XKR4: variants seen among roughly 807,000 people sequenced by gnomAD.
XKR4 encodes XK related 4.
XKR4 carries 12 observed loss-of-function variants against 53.9 expected under a neutral mutation model. That is an observed-to-expected ratio of 0.22 (90% CI 0.14 to 0.36). The LOEUF (loss-of-function observed/expected upper bound fraction) is 0.36. XKR4 is among the 10% of genes least tolerant of loss of function. The pLI is 1.00. For synonymous variants in XKR4, 354 were observed against 362.4 expected, an observed-to-expected ratio of 0.98 and a Z score of 0.26; for missense variants, 799 against 859.5, an observed-to-expected ratio of 0.93 and a Z score of 0.88.
chr8:55,312,839 C>T lies in XKR4; in HGVS notation c.807-44839C>T, dbSNP rs187469981. On this transcript the variant is annotated intron_variant, in intron 1 of 2. Coordinates refer to ENST00000327381, the MANE Select transcript of XKR4 (RefSeq NM_052898.2). ...TATAATCTAAGACCCTTTCTATCATCTTCTATTCATAGATGGCGTCAAGAC... is the reference window on the plus strand; with the variant it reads ...TATAATCTAAGACCCTTTCTATCATTTTCTATTCATAGATGGCGTCAAGAC... 4.7e-4 allele frequency among the ~76,000 whole-genome samples: 72 copies of T among 152,306 alleles called. 1 individual carries two copies. The South Asian group carries it at 0.013, about 29-fold the overall frequency.
intron 2 of XKR4, among the ~76,000 whole-genome samples, chr8:55,406,403 A>G (rs2129390579): frequency 6.6e-6 from 1 of 152,348 alleles, no homozygotes; most frequent in South Asian, 2.1e-4. Flanking sequence ...TCTATGAGGT[A>G]GATGCTGTCA....
chr8:55,186,245 G>C (rs1817375141), intron 1 of XKR4, among the ~76,000 whole-genome samples: 1 of 152,076 alleles, frequency 6.6e-6, no homozygotes, highest in African/African-American at 2.4e-5. Flanking sequence ...AGATTTAAAA[G>C]GTCTTCTCTT....
At chr8:55,161,963 AGAGCTG>A (rs1434519567) in intron 1 of XKR4, among the ~76,000 whole-genome samples, 1 of 152,222 alleles carries the variant, frequency 6.6e-6, no homozygotes, top group Non-Finnish European at 1.5e-5. Context: ...GATTTGCAGA[AGAGCTG>A]GTGGTGCCAT....
In XKR4 at chr8:55,523,614, A is replaced by G. The variant is rs1252173463; in HGVS notation, c.1340A>G (p.Asn447Ser). ...VGIIYIFSWFNVKEGRTRCRL... is the reference protein window; with the variant it reads ...VGIIYIFSWFSVKEGRTRCRL... ...ATTATCTATATCTTCAGTTGGTTCA[A>G]TGTCAAGGAAGGCAGGACACGCTGC... The change falls in exon 3 of 3, where the codon AAT becomes AGT. Residue 447 changes from asparagine (N) to serine (S), a missense_variant. Around this residue, in one of 3 missense-constraint regions of XKR4, gnomAD observed 269 missense variants for 264.4 expected, o/e 1.02. Coordinates refer to ENST00000327381, the MANE Select transcript of XKR4 (RefSeq NM_052898.2). The G allele has an allele frequency of 2.5e-6, 4 of 1,614,144 alleles. No homozygotes were observed. Among genetic ancestry groups the G allele is most frequent in the Admixed American group, 1.7e-5 (1 of 60,028 alleles).
At chr8:55,449,958 G>A (rs1805407462) in intron 2 of XKR4, 1 of 844,762 alleles carries the variant, frequency 1.2e-6, no homozygotes, top group Admixed American at 1.8e-5. Flanking sequence ...GGCTCAAGGT[G>A]GAGCCCACGG....
At chr8:55,345,985 G>A (rs778077059) in intron 1 of XKR4, among the ~76,000 whole-genome samples, 3 of 151,962 alleles carry the variant, frequency 2.0e-5, no homozygotes, top group East Asian at 1.9e-4. Context: ...GTCAAATCCC[G>A]AGAAGACAAA....
intron 1 of XKR4, among the ~76,000 whole-genome samples, chr8:55,292,454 A>G (rs1054014286): frequency 7.9e-5 from 12 of 152,014 alleles, no homozygotes; most frequent in Non-Finnish European, 1.6e-4. Flanking sequence ...TGTTCATACC[A>G]TTCTCTTTTA....
chr8:55,160,626 T>A (rs1429027374), intron 1 of XKR4, among the ~76,000 whole-genome samples: 3 of 152,218 alleles, frequency 2.0e-5, no homozygotes, highest in Non-Finnish European at 4.4e-5. Flanking sequence ...CCTCACTCTG[T>A]TTCCGTAATT....
rs1806999288 is a variant in XKR4 at position 55,534,375 on chromosome 8, T to TTTTTC, written c.*10152_*10153insCTTTT. 1 of 118,534 alleles carries TTTTTC rather than the reference T, an allele frequency of 8.4e-6. No homozygotes were observed. The highest frequency in any genetic ancestry group is 3.1e-5 in the African/African-American group (1 of 32,424). 7.3% of individuals were successfully genotyped at this position (118,534 alleles called of 1,614,324 possible). The stretch of plus-strand genomic sequence containing the variant: ...CGAATCTGATATTCTTTTTTTTTTT[T>TTTTTC]TTTTTTTTTTTTTTTTGAGACAGAG... On this transcript the variant is annotated 3_prime_UTR_variant, in exon 3 of 3. Coordinates refer to ENST00000327381, the MANE Select transcript of XKR4 (RefSeq NM_052898.2).
chr8:55,205,358 G>T (rs924438281), intron 1 of XKR4, among the ~76,000 whole-genome samples: 1 of 151,048 alleles, frequency 6.6e-6, no homozygotes, highest in African/African-American at 2.5e-5. Context: ...ACTCAAATTT[G>T]TTGTCATAAA....
At chr8:55,147,213 T>A (rs1039969920) in intron 1 of XKR4, among the ~76,000 whole-genome samples, 1 of 152,144 alleles carries the variant, frequency 6.6e-6, no homozygotes, top group African/African-American at 2.4e-5. Context: ...ACATGTGCTG[T>A]GACTCAAACA....
chr8:55,505,535 A>G (rs562158829), intron 2 of XKR4, among the ~76,000 whole-genome samples: 2 of 152,340 alleles, frequency 1.3e-5, no homozygotes, highest in African/African-American at 4.8e-5. Context: ...TGGGCAACAG[A>G]ACAAGACCCC....
chr8:55,268,857 C>T (rs552388922), intron 1 of XKR4, among the ~76,000 whole-genome samples: 2 of 152,240 alleles, frequency 1.3e-5, no homozygotes, highest in African/African-American at 4.8e-5. Flanking sequence ...AAATGAATTT[C>T]CAGGTAACTG....
intron 1 of XKR4, among the ~76,000 whole-genome samples, chr8:55,277,012 T>G (rs1403601287): frequency 6.6e-6 from 1 of 152,202 alleles, no homozygotes; most frequent in African/African-American, 2.4e-5. Context: ...TTTCATCAGC[T>G]GTGTTTGTGT....
chr8:55,461,230 G>A (rs1382645796), intron 2 of XKR4, among the ~76,000 whole-genome samples: 2 of 152,206 alleles, frequency 1.3e-5, no homozygotes, highest in African/African-American at 4.8e-5. Flanking sequence ...CCCCCAGTAG[G>A]GGCGGACTGA....
chr8:55,324,569 G>T (rs1164056051), intron 1 of XKR4, among the ~76,000 whole-genome samples: 1 of 152,256 alleles, frequency 6.6e-6, no homozygotes, highest in South Asian at 2.1e-4. Flanking sequence ...TTTGCTCAGT[G>T]CTCTATTGAC....
chr8:55,436,733 C>T (rs1460369030), intron 2 of XKR4, among the ~76,000 whole-genome samples: 1 of 152,192 alleles, frequency 6.6e-6, no homozygotes, highest in African/African-American at 2.4e-5. Flanking sequence ...CAGGGGCAAC[C>T]ACCATGCAAA....
In XKR4 at chr8:55,526,006, AAT is replaced by A. The variant is rs1309800795; in HGVS notation, c.*1780_*1781del. ...TAGAAAGGGCTTGTCAAGACTGGCC[AAT>A]GTTTCCCAGGAAATCAAAGATGTAA... On this transcript the variant is annotated 3_prime_UTR_variant, in exon 3 of 3. Coordinates refer to ENST00000327381, the MANE Select transcript of XKR4 (RefSeq NM_052898.2). 1 of 152,620 alleles carries A rather than the reference AAT, an allele frequency of 6.6e-6. No individual in the cohort carries two copies. The highest frequency in any genetic ancestry group is 1.5e-5 in the Non-Finnish European group (1 of 68,024). 9.5% of individuals were successfully genotyped at this position (152,620 alleles called of 1,614,324 possible).
chr8:55,443,530 T>TAAAAAAAAAAAAAAAAAA lies in XKR4; in HGVS notation c.1007-79742_1007-79725dup, dbSNP rs751152509. Reference sequence around the variant, plus strand: ...TTTGTAGATTTATAATCAGTTACATTAAAAAAAAAAAAAAAAAAAAAAAAA... The same window carrying TAAAAAAAAAAAAAAAAAA: ...TTTGTAGATTTATAATCAGTTACATTAAAAAAAAAAAAAAAAAAAAAAAAAAAAAAAAAAAAAAAAAAA... On this transcript the variant is annotated intron_variant, in intron 2 of 2. Transcript: ENST00000327381. Among the ~76,000 whole-genome samples, 10 of 74,010 alleles carry TAAAAAAAAAAAAAAAAAA rather than the reference T, an allele frequency of 1.4e-4. 1 individual carries two copies. Among genetic ancestry groups the TAAAAAAAAAAAAAAAAAA allele is most frequent in the African/African-American group, 2.5e-4 (4 of 15,950 alleles). 48.6% of individuals were successfully genotyped at this position (74,010 alleles called of 152,430 possible).
Sources: allele counts gnomAD v4.1 joint callset (sites outside exome capture counted in the v4.1 genomes callset), GRCh38; gene constraint gnomAD v4.1.1; regional missense constraint gnomAD v4.1.1; transcripts MANE v1.5; gene names NCBI Gene and HGNC (gene_info 2026-07-23, HGNC 2026-07-21).